DCC: variants seen among roughly 807,000 people sequenced by gnomAD.
The protein encoded by DCC is DCC netrin 1 receptor.
A neutral mutation model predicts 172.5 loss-of-function variants in DCC; 58 were observed. That is an observed-to-expected ratio of 0.34 (90% CI 0.27 to 0.42). DCC has a LOEUF of 0.42. Among genes scored for constraint, DCC ranks in the 10% least tolerant of loss-of-function variants. DCC has a pLI of 1.00. For missense variants in DCC, 1,740 were observed against 1,791.0 expected, an observed-to-expected ratio of 0.97 and a Z score of 0.51; for synonymous variants, 709 against 644.5, an observed-to-expected ratio of 1.10 and a Z score of -1.52.
At chr18:53,160,798 A>T (rs2054826603) in intron 8 of DCC, among the ~76,000 whole-genome samples, 1 of 152,092 alleles carries the variant, frequency 6.6e-6, no homozygotes, top group Admixed American at 6.5e-5. Flanking sequence ...TTTTAATTTC[A>T]TGTAATATAA....
At chr18:52,551,646 C>A (rs535310153) in intron 1 of DCC, among the ~76,000 whole-genome samples, 2 of 150,878 alleles carry the variant, frequency 1.3e-5, no homozygotes, top group Non-Finnish European at 3.0e-5. Flanking sequence ...AATGAATGAG[C>A]TACTCAAATT....
intron 1 of DCC, among the ~76,000 whole-genome samples, chr18:52,384,766 C>G (rs1985725867): frequency 6.6e-6 from 1 of 152,070 alleles, no homozygotes; most frequent in African/African-American, 2.4e-5. Flanking sequence ...ATAAACAGAA[C>G]TAAAAGTACA....
intron 2 of DCC, among the ~76,000 whole-genome samples, chr18:52,883,727 GTA>G (rs2145409534): frequency 7.6e-4 from 2 of 2,620 alleles, no homozygotes; most frequent in Admixed American, 0.029. Context: ...CTACTTAAGA[GTA>G]GTAGTTTATA....
intron 5 of DCC, among the ~76,000 whole-genome samples, chr18:53,040,074 C>G (rs994139162): frequency 1.3e-5 from 2 of 151,760 alleles, no homozygotes; most frequent in Non-Finnish European, 2.9e-5. Context: ...AATGTCAAAG[C>G]TTGACACTGA....
At chr18:53,434,792 C>G (rs561890494) in intron 21 of DCC, among the ~76,000 whole-genome samples, 1 of 152,096 alleles carries the variant, frequency 6.6e-6, no homozygotes, top group East Asian at 1.9e-4. Flanking sequence ...GAGCCAGGAC[C>G]TGAGTTATTT....
chr18:53,395,183 G>A (rs1380663415), intron 17 of DCC, among the ~76,000 whole-genome samples: 1 of 151,096 alleles, frequency 6.6e-6, no homozygotes, highest in Non-Finnish European at 1.5e-5. Context: ...GCTCAGACAG[G>A]TACCATCTGG....
intron 25 of DCC, among the ~76,000 whole-genome samples, chr18:53,473,717 G>A (rs1394039586): frequency 6.6e-6 from 1 of 152,068 alleles, no homozygotes; most frequent in Non-Finnish European, 1.5e-5. Context: ...AGGCTACCTG[G>A]GCAACTTCAG....
At chr18:53,157,253 A>G in intron 7 of DCC, 103 bp from the exon 8 acceptor site, 1 of 1,359,568 alleles carries the variant, frequency 7.4e-7, no homozygotes, top group Non-Finnish European at 1.0e-6. Flanking sequence ...AATCAAGGTG[A>G]CTATGACATG....
intron 27 of DCC, among the ~76,000 whole-genome samples, chr18:53,509,759 C>T (rs989284787): frequency 6.6e-6 from 1 of 152,204 alleles, no homozygotes; most frequent in African/African-American, 2.4e-5. Context: ...GTTTTGTCAT[C>T]ACCCTCAATG....
chr18:53,133,635 A>C lies in DCC; in HGVS notation c.1262-23721A>C, dbSNP rs144526115. Among the ~76,000 whole-genome samples, 15 of 152,340 alleles carry C rather than the reference A, an allele frequency of 9.8e-5. No homozygotes were observed. The East Asian group carries it at 1.4e-3, about 14-fold the overall frequency. ...ACATTTCATAAAGATTGCAAAAGAG[A>C]TAAAACAGAAAACTATTAGTGGTAC... On this transcript the variant is annotated intron_variant, in intron 7 of 28. Transcript: ENST00000442544.
intron 1 of DCC, among the ~76,000 whole-genome samples, chr18:52,645,173 A>G (rs2034995760): frequency 6.6e-6 from 1 of 152,174 alleles, no homozygotes; most frequent in South Asian, 2.1e-4. Flanking sequence ...GCTTTTGAGT[A>G]AGATTCAAGT....
At chr18:52,854,453 A>G (rs1341775647) in intron 2 of DCC, among the ~76,000 whole-genome samples, 1 of 152,208 alleles carries the variant, frequency 6.6e-6, no homozygotes, top group Admixed American at 6.5e-5. Flanking sequence ...CCTACCTTAA[A>G]GTAAACCTAC....
chr18:53,174,891 C>A (rs1459336326), intron 8 of DCC, among the ~76,000 whole-genome samples: 1 of 152,122 alleles, frequency 6.6e-6, no homozygotes, highest in Non-Finnish European at 1.5e-5. Flanking sequence ...AATTTTAGAC[C>A]AATATCCTTG....
intron 1 of DCC, among the ~76,000 whole-genome samples, chr18:52,436,052 C>T (rs758448318): frequency 6.6e-5 from 10 of 152,360 alleles, no homozygotes; most frequent in Middle Eastern, 3.4e-3. Flanking sequence ...CTATCACACA[C>T]GGATCCCTCT....
At chr18:53,354,533 A>C (rs1338782160) in intron 15 of DCC, among the ~76,000 whole-genome samples, 1 of 151,998 alleles carries the variant, frequency 6.6e-6, no homozygotes, top group Non-Finnish European at 1.5e-5. Context: ...GCATTTCTTC[A>C]TGTGTCTGTT....
intron 2 of DCC, among the ~76,000 whole-genome samples, chr18:52,830,003 A>G (rs1471405380): frequency 6.6e-6 from 1 of 152,122 alleles, no homozygotes; most frequent in African/African-American, 2.4e-5. Context: ...TGCAAGCCTT[A>G]AAGATTTCTG....
rs544573734 is a variant in DCC at position 53,397,888 on chromosome 18, T to C, written c.2827+442T>C. On this transcript the variant is annotated intron_variant, in intron 18 of 28. Coordinates refer to ENST00000442544, the MANE Select transcript of DCC (RefSeq NM_005215.4). ...AAGTCTCATGGATATTTACTGTGAA[T>C]AACCTTGGCTGGATATGGGAAGGAG... Among the ~76,000 whole-genome samples the C allele has an allele frequency of 7.2e-5, 11 of 152,306 alleles. No individual in the cohort carries two copies. The South Asian group carries it at 2.3e-3, about 32-fold the overall frequency.
At chr18:52,911,818 G>A (rs1336181341) in intron 3 of DCC, among the ~76,000 whole-genome samples, 5 of 151,704 alleles carry the variant, frequency 3.3e-5, no homozygotes, top group African/African-American at 1.2e-4. Context: ...TTATACCAGG[G>A]TATAAACAGG....
chr18:52,406,393 A>C (rs547529879), intron 1 of DCC, among the ~76,000 whole-genome samples: 46 of 151,806 alleles, frequency 3.0e-4, no homozygotes, highest in African/African-American at 1.0e-3. Context: ...GCAACCTACA[A>C]AATGGGAGAA....
Sources: gnomAD v4.1 joint callset for allele counts (sites outside exome capture counted in the v4.1 genomes callset) on GRCh38, gnomAD v4.1.1 for gene constraint, MANE v1.5 for transcripts, NCBI Gene and HGNC (gene_info 2026-07-23, HGNC 2026-07-21) for gene names.